ADAMTS19: variants seen among roughly 807,000 people sequenced by gnomAD.
ADAMTS19 encodes A disintegrin and metalloproteinase with thrombospondin motifs 19.
ADAMTS19 carries 93 observed loss-of-function variants against 153.3 expected under a neutral mutation model. The observed-to-expected ratio is 0.61, with a 90% CI of 0.51 to 0.72. The LOEUF (loss-of-function observed/expected upper bound fraction) is 0.72, where lower values mean the gene tolerates loss of function less well. Ranked by LOEUF, ADAMTS19 falls within the 30% of genes least tolerant of loss-of-function variation. The pLI, the probability that ADAMTS19 is intolerant of heterozygous loss-of-function variation, is 0.00. For missense variants in ADAMTS19, 1,482 were observed against 1,552.1 expected, an observed-to-expected ratio of 0.95 and a Z score of 0.76; for synonymous variants, 600 against 556.6, an observed-to-expected ratio of 1.08 and a Z score of -1.10.
chr5:129,487,339 C>T (rs922475865), intron 2 of ADAMTS19, among the ~76,000 whole-genome samples: 4 of 151,896 alleles, frequency 2.6e-5, no homozygotes, highest in African/African-American at 7.3e-5. Flanking sequence ...CAATGCATTT[C>T]GACAATAAAT....
At chr5:129,690,609 A>T (rs1755290075) in intron 18 of ADAMTS19, among the ~76,000 whole-genome samples, 1 of 152,188 alleles carries the variant, frequency 6.6e-6, no homozygotes, top group African/African-American at 2.4e-5. Flanking sequence ...TTAATGTAAA[A>T]AAAGGATAAA....
chr5:129,658,881 A>C (rs1561633013), intron 15 of ADAMTS19, 144 bp downstream of exon 15: 2 of 940,766 alleles, frequency 2.1e-6, no homozygotes, highest in African/African-American at 1.7e-5. Context: ...GATGACATAC[A>C]ATACATGTGA....
chr5:129,672,275 TAAG>T (rs1226721743), intron 16 of ADAMTS19, among the ~76,000 whole-genome samples: 2 of 151,996 alleles, frequency 1.3e-5, no homozygotes, highest in South Asian at 2.1e-4. Flanking sequence ...CACCTCCTAA[TAAG>T]AACACATTAG....
chr5:129,546,859 T>C (rs1165746613), intron 6 of ADAMTS19, among the ~76,000 whole-genome samples: 1 of 150,992 alleles, frequency 6.6e-6, no homozygotes, highest in African/African-American at 2.5e-5. Flanking sequence ...AAAGAAACCG[T>C]CTAATTTTAG....
At chr5:129,524,792 A>G (rs1489558502) in intron 3 of ADAMTS19, among the ~76,000 whole-genome samples, 2 of 151,948 alleles carry the variant, frequency 1.3e-5, no homozygotes, top group African/African-American at 4.8e-5. Flanking sequence ...GAAAATATCA[A>G]CACCACAGAT....
intron 7 of ADAMTS19, among the ~76,000 whole-genome samples, chr5:129,592,285 C>T (rs1750171827): frequency 6.9e-6 from 1 of 145,754 alleles, no homozygotes; most frequent in Admixed American, 7.2e-5. Context: ...GAGGCTGAGG[C>T]AGAAGACTCG....
chr5:129,461,730 T>G lies in ADAMTS19; in HGVS notation c.720T>G (p.Ala240=). 1 of 1,507,964 alleles carries G rather than the reference T, an allele frequency of 6.6e-7. No homozygotes were observed. The highest frequency in any genetic ancestry group is 8.8e-7 in the Non-Finnish European group (1 of 1,133,420). The allele number at this position is 1,507,964 out of a possible 1,614,324, so 93.4% of individuals were successfully genotyped here. A position where few individuals can be genotyped will look rare whatever the true frequency, so the allele number is the denominator to read the frequency against. The stretch of plus-strand genomic sequence containing the variant: ...TGCTGCGGCACCCTGGCTCGCTGGC[T>G]TCTTTCAGCACCTGTGGAGGTGGCC... ...GAVLRHPGSL[A]SFSTCGGGLM... is the part of the protein sequence containing the mutation. Residue 240 remains alanine, a synonymous_variant, in exon 2 of 23, where the codon GCT becomes GCG. Transcript: ENST00000274487. This position sits in a 1 kb window ranked among gnomAD's most constrained non-coding sequence, Gnocchi z 4.6.
chr5:129,676,687 A>G (rs548860086), intron 16 of ADAMTS19, among the ~76,000 whole-genome samples: 3 of 152,360 alleles, frequency 2.0e-5, no homozygotes, highest in African/African-American at 7.2e-5. Flanking sequence ...AGTTTTAGTT[A>G]TTCAATCATG....
chr5:129,473,832 G>T (rs1750140389), intron 2 of ADAMTS19, among the ~76,000 whole-genome samples: 1 of 152,094 alleles, frequency 6.6e-6, no homozygotes, highest in Non-Finnish European at 1.5e-5. Context: ...ATGTCAGGCT[G>T]ATTTTTTCAG....
chr5:129,719,997 G>A (rs530201158), intron 21 of ADAMTS19, among the ~76,000 whole-genome samples: 12 of 152,048 alleles, frequency 7.9e-5, no homozygotes, highest in Admixed American at 4.6e-4. Flanking sequence ...CCCAGATTGC[G>A]CCACTCCTCC....
intron 2 of ADAMTS19, among the ~76,000 whole-genome samples, chr5:129,503,928 C>A (rs1751186784): frequency 6.6e-6 from 1 of 152,144 alleles, no homozygotes; most frequent in African/African-American, 2.4e-5. Flanking sequence ...AGCCTTTAAG[C>A]AACTTCTCTT....
At chr5:129,638,070 CA>C (rs1389011690) in intron 10 of ADAMTS19, among the ~76,000 whole-genome samples, 2 of 152,134 alleles carry the variant, frequency 1.3e-5, no homozygotes, top group African/African-American at 4.8e-5. Context: ...CCCTAGGAAA[CA>C]TGTTTACCTG....
At chr5:129,599,229 T>C (rs1750526018) in intron 8 of ADAMTS19, among the ~76,000 whole-genome samples, 1 of 152,280 alleles carries the variant, frequency 6.6e-6, no homozygotes, top group South Asian at 2.1e-4. Context: ...AATTGAAAGG[T>C]ATTTTCAGTT....
At chr5:129,460,533 A>G (rs1455286235) in intron 1 of ADAMTS19, 51 bp downstream of exon 1, 1 of 1,608,662 alleles carries the variant, frequency 6.2e-7, no homozygotes, top group African/African-American at 1.3e-5. Context: ...CCCAGCGGAG[A>G]CCGCGAACGT....
chr5:129,587,752 A>C (rs1425416883), intron 7 of ADAMTS19, among the ~76,000 whole-genome samples: 1 of 152,060 alleles, frequency 6.6e-6, no homozygotes, highest in Non-Finnish European at 1.5e-5. Flanking sequence ...CTACTGTCAA[A>C]ATCTCCAGCC....
At chr5:129,696,237 G>A (rs1237899245) in intron 19 of ADAMTS19, among the ~76,000 whole-genome samples, 1 of 151,958 alleles carries the variant, frequency 6.6e-6, no homozygotes, top group African/African-American at 2.4e-5. Context: ...GACCAATTTG[G>A]AGAAACCCCA....
At chr5:129,720,272 A>T (rs1349316971) in intron 21 of ADAMTS19, among the ~76,000 whole-genome samples, 2 of 151,118 alleles carry the variant, frequency 1.3e-5, no homozygotes, top group African/African-American at 4.9e-5. Context: ...CCAGGGTTCA[A>T]GCGATTCTTG....
chr5:129,566,543 T>C (rs72790609), intron 7 of ADAMTS19, among the ~76,000 whole-genome samples: 13,076 of 152,170 alleles, frequency 0.086, 635 homozygotes, highest in Middle Eastern at 0.16. Flanking sequence ...GCAGTGAGTT[T>C]ATAATTTTTC....
chr5:129,496,660 G>A (rs1750935712), intron 2 of ADAMTS19, among the ~76,000 whole-genome samples: 1 of 152,008 alleles, frequency 6.6e-6, no homozygotes, highest in Non-Finnish European at 1.5e-5. Context: ...TTTCTCAGTG[G>A]TCTCATTCTC....
Sources: gnomAD v4.1 joint callset for allele counts (sites outside exome capture counted in the v4.1 genomes callset) on GRCh38, gnomAD v4.1.1 for gene constraint, Gnocchi (gnomAD v3.1) non-coding constraint, MANE v1.5 for transcripts, NCBI Gene and HGNC (gene_info 2026-07-23, HGNC 2026-07-21) for gene names.